Variants in CSMD3 observed in about 807,000 individuals in gnomAD.
The protein encoded by CSMD3 is CUB and sushi domain-containing protein 3.
A neutral mutation model predicts 435.2 loss-of-function variants in CSMD3; 177 were observed. That is an observed-to-expected ratio of 0.41 (90% CI 0.36 to 0.46). The LOEUF is 0.46. Among genes scored for constraint, CSMD3 ranks in the 20% least tolerant of loss-of-function variants. The probability of loss-of-function intolerance (pLI) is 0.34; values close to 1 mark genes in which losing one functional copy is unlikely to be tolerated. For missense variants in CSMD3, 4,265 were observed against 4,504.6 expected, an observed-to-expected ratio of 0.95 and a Z score of 1.52; for synonymous variants, 1,656 against 1,520.5, an observed-to-expected ratio of 1.09 and a Z score of -2.07.
At chr8:113,219,922 G>A (rs1313278858) in intron 3 of CSMD3, among the ~76,000 whole-genome samples, 4 of 151,348 alleles carry the variant, frequency 2.6e-5, no homozygotes, top group African/African-American at 7.3e-5. Context: ...AAGAACTTTT[G>A]ACATTTGAGG....
chr8:113,259,927 T>C (rs768812036), intron 3 of CSMD3, among the ~76,000 whole-genome samples: 22 of 152,184 alleles, frequency 1.4e-4, no homozygotes, highest in Admixed American at 9.2e-4. Context: ...TGGGAGGTGA[T>C]TGAATCATGG....
At chr8:113,392,943 CTATATA>C (rs5894146) in intron 1 of CSMD3, among the ~76,000 whole-genome samples, 2 of 147,220 alleles carry the variant, frequency 1.4e-5, no homozygotes, top group Non-Finnish European at 3.0e-5. Flanking sequence ...CTGCATGTGT[CTATATA>C]TATATATATG....
intron 35 of CSMD3, among the ~76,000 whole-genome samples, chr8:112,400,894 A>G (rs1391609590): frequency 6.6e-6 from 1 of 152,142 alleles, no homozygotes; most frequent in African/African-American, 2.4e-5. Flanking sequence ...TTCAGACACA[A>G]ATGGTTAATG....
At chr8:112,600,974 G>A (rs752713996) in intron 22 of CSMD3, among the ~76,000 whole-genome samples, 3 of 151,828 alleles carry the variant, frequency 2.0e-5, no homozygotes, top group African/African-American at 7.3e-5. Flanking sequence ...CGGTCCCCAC[G>A]ATCCTTATAT....
chr8:113,140,904 G>T (rs149064314), intron 4 of CSMD3, among the ~76,000 whole-genome samples: 2 of 150,650 alleles, frequency 1.3e-5, no homozygotes, highest in Non-Finnish European at 3.0e-5. Context: ...AAGAATACAT[G>T]CCAATGAAAT....
At chr8:112,899,410 T>C (rs1338507381) in intron 10 of CSMD3, among the ~76,000 whole-genome samples, 1 of 149,922 alleles carries the variant, frequency 6.7e-6, no homozygotes, top group Non-Finnish European at 1.5e-5. Flanking sequence ...TATGTGCATA[T>C]AGGCACATTT....
intron 10 of CSMD3, among the ~76,000 whole-genome samples, chr8:112,886,980 A>G (rs1220108192): frequency 6.6e-6 from 1 of 151,398 alleles, no homozygotes; most frequent in Non-Finnish European, 1.5e-5. Flanking sequence ...GGCTGACTGT[A>G]TGGTTTAAGT....
At chr8:112,291,283 G>A (rs1471221494) in intron 56 of CSMD3, among the ~76,000 whole-genome samples, 3 of 151,776 alleles carry the variant, frequency 2.0e-5, no homozygotes, top group Admixed American at 2.0e-4. Context: ...GCTCCAAAGT[G>A]CAAAATCAAA....
chr8:112,697,093 A>T (rs922377770), intron 13 of CSMD3, among the ~76,000 whole-genome samples: 1 of 151,234 alleles, frequency 6.6e-6, no homozygotes, highest in African/African-American at 2.4e-5. Flanking sequence ...GCTGGAGAGG[A>T]TGTGGAGAAA....
chr8:112,914,057 A>G (rs1372042557), intron 10 of CSMD3, among the ~76,000 whole-genome samples: 2 of 151,962 alleles, frequency 1.3e-5, no homozygotes, highest in Non-Finnish European at 2.9e-5. Context: ...TATCAATGTT[A>G]TTAAATAAAC....
chr8:112,560,697 G>A (rs1321316927), intron 24 of CSMD3, among the ~76,000 whole-genome samples: 1 of 151,542 alleles, frequency 6.6e-6, no homozygotes, highest in African/African-American at 2.4e-5. Flanking sequence ...TAGTCAAACA[G>A]GTCAGTCTCT....
At chr8:113,252,458 A>ATT (rs201837322) in intron 3 of CSMD3, among the ~76,000 whole-genome samples, 2 of 151,086 alleles carry the variant, frequency 1.3e-5, no homozygotes, top group Non-Finnish European at 3.0e-5. Context: ...AATTTTATGT[A>ATT]TTTTTTTTTA....
At chr8:112,939,912 A>G (rs1364125460) in intron 9 of CSMD3, among the ~76,000 whole-genome samples, 1 of 152,008 alleles carries the variant, frequency 6.6e-6, no homozygotes, top group Non-Finnish European at 1.5e-5. Context: ...AATAATTACA[A>G]ATACTTATAG....
At position 112,306,045 on chromosome 8, in the gene CSMD3, C is replaced by G. The variant is rs1263353669; in HGVS notation, c.8033G>C (p.Gly2678Ala). ...GGTCTTGTTATGATTGCTCCATGTT[C>G]CATCTGATTGGCATACAGCTGTAGT... ...ELTTAVCQSD[G>A]TWSNHNKTPR... Residue 2678 changes from glycine (G) to alanine (A), a missense_variant, in exon 51 of 71, where the codon GGA becomes GCA. Gly to Ala is a moderately conservative substitution (Grantham distance 60). Coordinates refer to ENST00000297405, the MANE Select transcript of CSMD3 (RefSeq NM_198123.2). 1 of 1,613,836 alleles carries G rather than the reference C, an allele frequency of 6.2e-7. No homozygotes were observed. Among genetic ancestry groups the G allele is most frequent in the East Asian group, 2.2e-5 (1 of 44,840 alleles).
intron 10 of CSMD3, among the ~76,000 whole-genome samples, chr8:112,869,020 T>A (rs2081060234): frequency 6.6e-6 from 1 of 152,156 alleles, no homozygotes; most frequent in Admixed American, 6.5e-5. Flanking sequence ...AGTGAGTCTA[T>A]TATCATGATA....
chr8:113,253,674 T>C (rs2093354314), intron 3 of CSMD3, among the ~76,000 whole-genome samples: 1 of 151,604 alleles, frequency 6.6e-6, no homozygotes, highest in Non-Finnish European at 1.5e-5. Context: ...ACCCCGTCTA[T>C]ACTAAAAACA....
In CSMD3 at chr8:112,913,624, G is replaced by A. The variant is rs148985197; in HGVS notation, c.1633+8003C>T. Among the ~76,000 whole-genome samples, 882 of 151,640 alleles carry A rather than the reference G, an allele frequency of 5.8e-3. 11 individuals carry two copies. The highest frequency in any genetic ancestry group is 0.021 in the African/African-American group (850 of 41,360). On this transcript the variant is annotated intron_variant, in intron 10 of 70. Transcript: ENST00000297405. Reference sequence around the variant, plus strand: ...TAGAGATTTTTCCCATCCTCAATAAGTTTATGCTCCTCCACATTTCACTCA... The same window carrying A: ...TAGAGATTTTTCCCATCCTCAATAAATTTATGCTCCTCCACATTTCACTCA...
chr8:112,723,552 T>C (rs560933424), intron 13 of CSMD3, among the ~76,000 whole-genome samples: 13 of 152,238 alleles, frequency 8.5e-5, no homozygotes, highest in Admixed American at 4.6e-4. Flanking sequence ...GGCTATTATT[T>C]TTCATGATTA....
At chr8:113,352,377 G>A (rs1037349024) in intron 1 of CSMD3, among the ~76,000 whole-genome samples, 1 of 152,044 alleles carries the variant, frequency 6.6e-6, no homozygotes, top group Non-Finnish European at 1.5e-5. Context: ...ACCATCAGAA[G>A]CTGGAAGAAG....
Sources: gnomAD v4.1 joint callset for allele counts (sites outside exome capture counted in the v4.1 genomes callset) on GRCh38, gnomAD v4.1.1 for gene constraint, MANE v1.5 for transcripts, NCBI Gene and HGNC (gene_info 2026-07-23, HGNC 2026-07-21) for gene names.